Variants in ME1 observed in about 807,000 individuals in gnomAD.
ME1 encodes malic enzyme 1, also known as NADP-dependent malic enzyme.
Under a neutral mutation model 66.4 loss-of-function variants are expected in ME1, and 74 were observed. That is an observed-to-expected ratio of 1.11 (90% confidence interval 0.92 to 1.35). The LOEUF (loss-of-function observed/expected upper bound fraction) is 1.35. Ranked by LOEUF, ME1 falls within the 40% of genes most tolerant of loss-of-function variation. ME1 has a pLI of 0.00. For synonymous variants in ME1, 251 were observed against 235.6 expected (o/e 1.07, Z -0.60); for missense variants, 750 against 694.1 (o/e 1.08, Z -0.90).
chr6:83,406,954 A>G (rs1769955906), intron 2 of ME1, among the ~76,000 whole-genome samples: 1 of 148,772 alleles, frequency 6.7e-6, no homozygotes. Flanking sequence ...ATCCATTTAT[A>G]TTTATATTTT....
At chr6:83,380,353 G>C (rs546732245) in intron 3 of ME1, among the ~76,000 whole-genome samples, 132 of 152,184 alleles carry the variant, frequency 8.7e-4, no homozygotes, top group African/African-American at 3.1e-3. Context: ...ATTTTATCAT[G>C]GGGGAAATGG....
At chr6:83,217,078 T>C (rs899977922) in intron 12 of ME1, among the ~76,000 whole-genome samples, 1 of 152,186 alleles carries the variant, frequency 6.6e-6, no homozygotes, top group Non-Finnish European at 1.5e-5. Context: ...TCACTACAAA[T>C]AGGATTTTAA....
chr6:83,377,000 A>G (rs1769304826), intron 3 of ME1, among the ~76,000 whole-genome samples: 1 of 152,144 alleles, frequency 6.6e-6, no homozygotes, highest in African/African-American at 2.4e-5. Flanking sequence ...AGTTTATGAC[A>G]AAAGTGTAAG....
At chr6:83,244,761 G>C (rs1442822058) in intron 7 of ME1, among the ~76,000 whole-genome samples, 2 of 151,998 alleles carry the variant, frequency 1.3e-5, no homozygotes, top group African/African-American at 4.8e-5. Context: ...AGAGTGAGTG[G>C]CTAAAGGAGA....
At position 83,281,703 on chromosome 6, in the gene ME1, G is replaced by T. The variant is rs1439763359; in HGVS notation, c.705-27965C>A. Among the ~76,000 whole-genome samples, 4 of 150,522 alleles carry T rather than the reference G, an allele frequency of 2.7e-5. No individual in the cohort carries two copies. In the East Asian group the frequency reaches 7.9e-4, roughly 30 times the overall value. The stretch of plus-strand genomic sequence containing the variant: ...AGTCTATAATTCCAGCTACTCGGGA[G>T]GCTGAGGCATGAGAATCACCTGAAC... On this transcript the variant is annotated intron_variant, in intron 6 of 13. Coordinates refer to ENST00000369705, the MANE Select transcript of ME1 (RefSeq NM_002395.6).
intron 5 of ME1, among the ~76,000 whole-genome samples, chr6:83,328,370 G>T (rs528259965): frequency 6.6e-6 from 1 of 152,044 alleles, no homozygotes; most frequent in African/African-American, 2.4e-5. Flanking sequence ...TGTGGATGAC[G>T]GGTTGATGAG....
intron 3 of ME1, among the ~76,000 whole-genome samples, chr6:83,376,804 C>CAAAAAAAAAAAAAA (rs70987750): frequency 1.8e-4 from 16 of 87,120 alleles, no homozygotes; most frequent in African/African-American, 4.3e-4. Context: ...CCCTGTCTCA[C>CAAAAAAAAAAAAAA]AAAAAAAAAA....
chr6:83,233,262 G>A (rs1790336729), intron 9 of ME1, among the ~76,000 whole-genome samples: 1 of 151,716 alleles, frequency 6.6e-6, no homozygotes, highest in Non-Finnish European at 1.5e-5. Context: ...CTAAGTATTA[G>A]TTTTACATTA....
chr6:83,310,827 C>T (rs1047614543), intron 6 of ME1, among the ~76,000 whole-genome samples: 2 of 152,150 alleles, frequency 1.3e-5, no homozygotes, highest in Non-Finnish European at 2.9e-5. Flanking sequence ...AAGATGTTCT[C>T]AGCTTCTGTA....
At chr6:83,421,300 T>G (rs1770261549) in intron 1 of ME1, among the ~76,000 whole-genome samples, 1 of 152,122 alleles carries the variant, frequency 6.6e-6, no homozygotes, top group Admixed American at 6.5e-5. Context: ...GAGTGTACAT[T>G]TGGGAACCAA....
chr6:83,360,792 A>T (rs1284147195), intron 3 of ME1, among the ~76,000 whole-genome samples: 2 of 152,218 alleles, frequency 1.3e-5, no homozygotes, highest in Admixed American at 1.3e-4. Flanking sequence ...ATGACAGTAG[A>T]TTATTGTAAG....
intron 13 of ME1, among the ~76,000 whole-genome samples, chr6:83,213,909 GA>G (rs939231772): frequency 5.3e-5 from 8 of 151,468 alleles, no homozygotes; most frequent in South Asian, 2.1e-4. Context: ...ACAAACACAG[GA>G]AAAAAAATAA....
At chr6:83,406,146 TG>T (rs1163680137) in intron 2 of ME1, among the ~76,000 whole-genome samples, 1 of 152,240 alleles carries the variant, frequency 6.6e-6, no homozygotes, top group African/African-American at 2.4e-5. Context: ...GATTTGCATA[TG>T]TCGAACCAGC....
intron 6 of ME1, among the ~76,000 whole-genome samples, chr6:83,290,343 G>T (rs1438641163): frequency 1.3e-5 from 2 of 152,082 alleles, no homozygotes; most frequent in African/African-American, 4.8e-5. Flanking sequence ...GTTCTAGTTG[G>T]TTTCAAAGAA....
intron 6 of ME1, among the ~76,000 whole-genome samples, chr6:83,275,991 C>T (rs1475788177): frequency 2.0e-5 from 3 of 151,740 alleles, no homozygotes; most frequent in Non-Finnish European, 4.4e-5. Context: ...AGGATGGTCG[C>T]GATCTTCTGA....
At chr6:83,325,963 A>C (rs1028534836) in intron 5 of ME1, among the ~76,000 whole-genome samples, 2 of 151,510 alleles carry the variant, frequency 1.3e-5, no homozygotes, top group African/African-American at 4.8e-5. Flanking sequence ...AAAAAAAAAA[A>C]CAAAGCTGGA....
chr6:83,294,822 T>C (rs1562472460), intron 6 of ME1, among the ~76,000 whole-genome samples: 3 of 152,248 alleles, frequency 2.0e-5, no homozygotes, highest in Non-Finnish European at 2.9e-5. Context: ...ATTGCACTGA[T>C]AGATTGCAGC....
At chr6:83,264,537 G>A (rs2128530064) in intron 6 of ME1, among the ~76,000 whole-genome samples, 1 of 152,280 alleles carries the variant, frequency 6.6e-6, no homozygotes, top group South Asian at 2.1e-4. Flanking sequence ...CATTCTAGAT[G>A]TCCCTAAGAA....
chr6:83,424,818 TG>T (rs1472255356), intron 1 of ME1, among the ~76,000 whole-genome samples: 3 of 152,186 alleles, frequency 2.0e-5, no homozygotes, highest in Non-Finnish European at 2.9e-5. Context: ...AAAATCAAGG[TG>T]TCTGGAGGGC....
Sources: allele counts gnomAD v4.1 joint callset (sites outside exome capture counted in the v4.1 genomes callset), GRCh38; gene constraint gnomAD v4.1.1; transcripts MANE v1.5; gene names NCBI Gene and HGNC (gene_info 2026-07-23, HGNC 2026-07-21).